The following LRP1B variants were observed in gnomAD, a reference collection of about 807,000 sequenced individuals.
The protein encoded by LRP1B is LDL receptor related protein 1B.
Under a neutral mutation model 556.6 loss-of-function variants are expected in LRP1B, and 217 were observed. The ratio of observed to expected loss-of-function variants is 0.39; its 90% confidence interval spans 0.35 to 0.44. LRP1B has a LOEUF of 0.44. Among genes scored for constraint, LRP1B ranks in the 20% least tolerant of loss-of-function variants. The pLI, the probability that LRP1B is intolerant of heterozygous loss-of-function variation, is 1.00. For synonymous variants in LRP1B, 2,047 were observed against 1,865.8 expected, an observed-to-expected ratio of 1.10 and a Z score of -2.50; for missense variants, 5,053 against 5,620.8, an observed-to-expected ratio of 0.90 and a Z score of 3.23.
At chr2:140,803,260 G>GTTTTTTTTTTTTTTTTT (rs11352164) in intron 32 of LRP1B, among the ~76,000 whole-genome samples, 2 of 102,238 alleles carry the variant, frequency 2.0e-5, no homozygotes, top group Admixed American at 1.2e-4. Flanking sequence ...CCTATTGAAA[G>GTTTTTTTTTTTTTTTTT]TTTTTTTTTT....
At chr2:142,115,492 T>TATATATGTA (rs1707160326) in intron 1 of LRP1B, among the ~76,000 whole-genome samples, 1 of 83,550 alleles carries the variant, frequency 1.2e-5, no homozygotes, top group Non-Finnish European at 2.3e-5. Flanking sequence ...AATATATAAT[T>TATATATGTA]ATATATAATA....
At chr2:140,495,469 G>A (rs1166321088) in intron 56 of LRP1B, 96 bp downstream of exon 56, 3 of 1,101,902 alleles carry the variant, frequency 2.7e-6, no homozygotes, top group Admixed American at 2.2e-5. Flanking sequence ...TTTTTCAGAA[G>A]CATCAAGGAG....
chr2:140,766,833 A>ATTATATAT (rs1480624131), intron 35 of LRP1B, among the ~76,000 whole-genome samples: 1,923 of 31,696 alleles, frequency 0.061, 77 homozygotes, highest in East Asian at 0.3. Flanking sequence ...ATATATATAT[A>ATTATATAT]TATATATATA....
chr2:140,483,203 T>C (rs996820331), intron 59 of LRP1B, among the ~76,000 whole-genome samples: 1 of 152,150 alleles, frequency 6.6e-6, no homozygotes, highest in East Asian at 1.9e-4. Context: ...AATCCAAATA[T>C]TATCCAAAAA....
intron 3 of LRP1B, among the ~76,000 whole-genome samples, chr2:141,303,411 A>G (rs564846759): frequency 1.3e-5 from 2 of 152,094 alleles, no homozygotes; most frequent in African/African-American, 2.4e-5. Context: ...CCATTAGTCA[A>G]TGTCTCTTCA....
At chr2:140,627,944 A>C (rs1300223959) in intron 41 of LRP1B, among the ~76,000 whole-genome samples, 1 of 152,324 alleles carries the variant, frequency 6.6e-6, no homozygotes, top group African/African-American at 2.4e-5. Flanking sequence ...AGTCTAAATT[A>C]ACTTAGAGAC....
chr2:141,764,469 A>G (rs1694670151), intron 2 of LRP1B, among the ~76,000 whole-genome samples: 1 of 152,192 alleles, frequency 6.6e-6, no homozygotes, highest in African/African-American at 2.4e-5. Flanking sequence ...GGCGTGAGCC[A>G]CCGCGCCAGG....
At chr2:140,415,479 T>A (rs1213668095) in intron 66 of LRP1B, among the ~76,000 whole-genome samples, 1 of 152,194 alleles carries the variant, frequency 6.6e-6, no homozygotes, top group African/African-American at 2.4e-5. Flanking sequence ...GTCCTACCAA[T>A]ATGGGATGTC....
chr2:140,726,111 A>G (rs578192583), intron 35 of LRP1B, among the ~76,000 whole-genome samples: 4 of 152,178 alleles, frequency 2.6e-5, no homozygotes, highest in Non-Finnish European at 2.9e-5. Flanking sequence ...TTTATTTAAC[A>G]GGGCCAATAA....
intron 3 of LRP1B, among the ~76,000 whole-genome samples, chr2:141,325,006 T>C (rs1484067892): frequency 3.3e-5 from 5 of 152,108 alleles, no homozygotes; most frequent in African/African-American, 2.4e-5. Flanking sequence ...GACCTCCATC[T>C]AACACAGAGA....
At chr2:140,844,300 G>A (rs1017300856) in intron 29 of LRP1B, among the ~76,000 whole-genome samples, 17 of 152,108 alleles carry the variant, frequency 1.1e-4, no homozygotes, top group Non-Finnish European at 2.9e-5. Context: ...CTGACCTCAG[G>A]TGATCCACCC....
intron 7 of LRP1B, among the ~76,000 whole-genome samples, chr2:141,092,862 C>T (rs922443193): frequency 1.3e-5 from 2 of 152,160 alleles, no homozygotes; most frequent in African/African-American, 4.8e-5. Context: ...TTGTTAACCT[C>T]GATAAGAGTA....
chr2:140,843,058 TTTTTTTTTGTTTTTTTTTTTTTGTTTG>T (rs1213332509), intron 29 of LRP1B, among the ~76,000 whole-genome samples: 846 of 24,836 alleles, frequency 0.034, 22 homozygotes, highest in Non-Finnish European at 0.065. Context: ...CCAAAGTGGT[TTTTTTTTTGTTTTTTTTTTTTTGTTTG>T]TTTTTTTTTT....
intron 32 of LRP1B, among the ~76,000 whole-genome samples, chr2:140,810,209 T>C (rs1690871103): frequency 6.6e-6 from 1 of 152,042 alleles, no homozygotes; most frequent in Admixed American, 6.5e-5. Context: ...AGAGATTTTT[T>C]TTAACATAGC....
intron 2 of LRP1B, among the ~76,000 whole-genome samples, chr2:141,488,779 T>A (rs1683211485): frequency 6.6e-6 from 1 of 152,100 alleles, no homozygotes; most frequent in South Asian, 2.1e-4. Flanking sequence ...TTTATTCCTG[T>A]GAAATCTTTC....
At chr2:142,088,442 T>C (rs1019073127) in intron 1 of LRP1B, among the ~76,000 whole-genome samples, 1 of 152,184 alleles carries the variant, frequency 6.6e-6, no homozygotes, top group Non-Finnish European at 1.5e-5. Context: ...ATATAAGCCA[T>C]AGTGAGTGAA....
At chr2:141,608,030 G>T (rs1368780125) in intron 2 of LRP1B, among the ~76,000 whole-genome samples, 2 of 152,084 alleles carry the variant, frequency 1.3e-5, no homozygotes, top group Non-Finnish European at 2.9e-5. Context: ...TTTGAGACCA[G>T]ACTGACCAAC....
At chr2:141,502,643 G>A (rs1195070574) in intron 2 of LRP1B, among the ~76,000 whole-genome samples, 1 of 151,856 alleles carries the variant, frequency 6.6e-6, no homozygotes, top group Non-Finnish European at 1.5e-5. Flanking sequence ...GGCGGATCAC[G>A]AGGTGAAGAG....
At position 140,752,488 on chromosome 2, in the gene LRP1B, C is replaced by A. The variant is rs1688615643; in HGVS notation, c.5758+16725G>T. 2.0e-5 allele frequency among the ~76,000 whole-genome samples: 3 copies of A among 151,824 alleles called. No homozygotes were observed. In the South Asian group the frequency reaches 6.2e-4, roughly 32 times the overall value. ...TACAGGCACTTAACACTAAGCCCAG[C>A]TAATTTTTGTATTTTTAGTAGAGAC... is the stretch of plus-strand genomic sequence containing the variant. On this transcript the variant is annotated intron_variant, in intron 35 of 90. Transcript: ENST00000389484.
Sources: allele counts gnomAD v4.1 joint callset (sites outside exome capture counted in the v4.1 genomes callset), GRCh38; gene constraint gnomAD v4.1.1; transcripts MANE v1.5; gene names NCBI Gene and HGNC (gene_info 2026-07-23, HGNC 2026-07-21).